Variants in NUP210L observed in about 807,000 individuals in gnomAD.
NUP210L encodes nucleoporin 210 like, also known as nuclear pore membrane glycoprotein 210-like.
A neutral mutation model predicts 208.5 loss-of-function variants in NUP210L; 74 were observed. That is an observed-to-expected ratio of 0.35 (90% CI 0.29 to 0.43). The LOEUF is 0.43. Among genes scored for constraint, NUP210L ranks in the 20% least tolerant of loss-of-function variants. The pLI, the probability that NUP210L is intolerant of heterozygous loss-of-function variation, is 1.00. For synonymous variants in NUP210L, 780 were observed against 816.9 expected, an observed-to-expected ratio of 0.95 and a Z score of 0.77; for missense variants, 1,843 against 2,289.4, an observed-to-expected ratio of 0.81 and a Z score of 3.98.
intron 6 of NUP210L, among the ~76,000 whole-genome samples, chr1:154,136,823 G>C (rs903544648): frequency 1.4e-4 from 20 of 146,320 alleles, no homozygotes; most frequent in African/African-American, 4.8e-4. Context: ...GGGAGGCTGC[G>C]GCAGGAGAAT....
intron 11 of NUP210L, 37 bp downstream of exon 11, chr1:154,118,634 G>A (rs775909495): frequency 1.7e-5 from 23 of 1,324,918 alleles, no homozygotes; most frequent in Middle Eastern, 3.9e-4. Context: ...TAGAGAAACC[G>A]GCTTATCTCC....
chr1:154,039,429 T>C (rs1378899789), intron 27 of NUP210L, among the ~76,000 whole-genome samples: 2 of 151,590 alleles, frequency 1.3e-5, no homozygotes, highest in Non-Finnish European at 2.9e-5. Flanking sequence ...AGACGGGGGG[T>C]TTCACCATGT....
At chr1:154,018,206 AGG>A (rs1360061067) in intron 33 of NUP210L, among the ~76,000 whole-genome samples, 2 of 152,120 alleles carry the variant, frequency 1.3e-5, no homozygotes, top group African/African-American at 4.8e-5. Flanking sequence ...TCCTGACCTC[AGG>A]TGATCCTCCC....
chr1:154,134,475 C>T (rs1338077411), intron 7 of NUP210L, among the ~76,000 whole-genome samples: 1 of 146,562 alleles, frequency 6.8e-6, no homozygotes, highest in Non-Finnish European at 1.5e-5. Context: ...CGGTGGCTCA[C>T]GCCTGTAATC....
intron 10 of NUP210L, among the ~76,000 whole-genome samples, chr1:154,125,517 G>C (rs1657846174): frequency 6.6e-6 from 1 of 150,502 alleles, no homozygotes; most frequent in Non-Finnish European, 1.5e-5. Flanking sequence ...AGCTACTTGG[G>C]GGGCTAAGGT....
At chr1:154,064,762 G>A (rs1298185632) in intron 17 of NUP210L, among the ~76,000 whole-genome samples, 3 of 152,120 alleles carry the variant, frequency 2.0e-5, no homozygotes, top group East Asian at 3.9e-4. Context: ...GAAAATAGTA[G>A]GCAGTCAATA....
intron 27 of NUP210L, 96 bp downstream of exon 27, chr1:154,045,973 A>T: frequency 1.8e-6 from 2 of 1,126,990 alleles, no homozygotes; most frequent in Non-Finnish European, 2.5e-6. Context: ...GGACAGAGTG[A>T]GACCTCATCT....
rs1018750666 is a variant in NUP210L at position 154,057,981 on chromosome 1, A to C, written c.3107+108T>G. 12 of 1,173,436 alleles carry C rather than the reference A, an allele frequency of 1.0e-5. 1 individual carries two copies. The African/African-American group carries it at 1.9e-4, about 18-fold the overall frequency. The allele number at this position is 1,173,436 out of a possible 1,614,324, so 72.7% of individuals were successfully genotyped here. On this transcript the variant is annotated intron_variant, in intron 22 of 39. Transcript: ENST00000368559. ...TGAAATGTATTCTAACAGAAAAGGA[A>C]TGGAGAAAATCTGAAATAATCTAAG...
At chr1:154,054,935 C>G in intron 23 of NUP210L, 103 bp from the exon 24 acceptor site, 1 of 752,288 alleles carries the variant, frequency 1.3e-6, no homozygotes, top group Non-Finnish European at 2.3e-6. Flanking sequence ...GAGTCTTGCT[C>G]TGTTGCCCAT....
intron 16 of NUP210L, among the ~76,000 whole-genome samples, chr1:154,088,049 G>A (rs1444861020): frequency 6.6e-6 from 1 of 152,072 alleles, no homozygotes; most frequent in Non-Finnish European, 1.5e-5. Flanking sequence ...ACTTTAAAAG[G>A]GTGATCTGCT....
chr1:154,012,718 G>A (rs1313585542), intron 33 of NUP210L, among the ~76,000 whole-genome samples: 2 of 151,850 alleles, frequency 1.3e-5, no homozygotes, highest in East Asian at 1.9e-4. Flanking sequence ...AACAAAAGAC[G>A]GGGTCAGCCG....
intron 12 of NUP210L, among the ~76,000 whole-genome samples, chr1:154,114,295 T>C (rs1657201914): frequency 6.6e-6 from 1 of 152,034 alleles, no homozygotes; most frequent in Admixed American, 6.6e-5. Context: ...CTCAAAAAAA[T>C]TAATAAATAA....
At chr1:154,036,565 A>G (rs1257784630) in intron 27 of NUP210L, among the ~76,000 whole-genome samples, 1 of 151,380 alleles carries the variant, frequency 6.6e-6, no homozygotes, top group Non-Finnish European at 1.5e-5. Context: ...GGGTTTCACC[A>G]TGTTGGCCAA....
At chr1:153,999,570 T>C (rs1279606085) in intron 37 of NUP210L, among the ~76,000 whole-genome samples, 7 of 151,812 alleles carry the variant, frequency 4.6e-5, no homozygotes, top group Admixed American at 1.3e-4. Flanking sequence ...AAACCCCATT[T>C]CTACAAAAAT....
chr1:154,003,009 C>T (rs1309108602), intron 35 of NUP210L, among the ~76,000 whole-genome samples: 30 of 133,490 alleles, frequency 2.2e-4, no homozygotes, highest in African/African-American at 5.8e-4. Flanking sequence ...CCTTAGCTGT[C>T]TTTTTTTTTT....
At chr1:154,090,323 A>G (rs1571260385) in intron 15 of NUP210L, among the ~76,000 whole-genome samples, 1 of 152,326 alleles carries the variant, frequency 6.6e-6, no homozygotes, top group East Asian at 1.9e-4. Flanking sequence ...GTTTCCACTC[A>G]TCTCTAGTAG....
chr1:154,040,843 G>A (rs1652836763), intron 27 of NUP210L, among the ~76,000 whole-genome samples: 1 of 151,946 alleles, frequency 6.6e-6, no homozygotes, highest in African/African-American at 2.4e-5. Context: ...CGCCCGCCTC[G>A]GCCTCCCAAA....
At chr1:154,000,898 C>T in exon 37 of NUP210L, 1 of 1,614,172 alleles carries the variant, frequency 6.2e-7, no homozygotes, top group South Asian at 1.1e-5. Context: ...ACCACTGCCT[C>T]ACTTTGACTG....
At chr1:154,040,051 CTCTA>C (rs1448616108) in intron 27 of NUP210L, 2 of 152,108 alleles carry the variant, frequency 1.3e-5, no homozygotes, top group African/African-American at 4.8e-5. Context: ...CGGGATCTCG[CTCTA>C]TCTATCACTC....
Sources: allele counts gnomAD v4.1 joint callset (sites outside exome capture counted in the v4.1 genomes callset), GRCh38; gene constraint gnomAD v4.1.1; transcripts MANE v1.5; gene names NCBI Gene and HGNC (gene_info 2026-07-23, HGNC 2026-07-21).